VWA8: variants seen among roughly 807,000 people sequenced by gnomAD.
VWA8 encodes the protein von Willebrand factor A domain-containing protein 8.
A neutral mutation model predicts 241.5 loss-of-function variants in VWA8; 221 were observed. The ratio of observed to expected loss-of-function variants is 0.91; its 90% CI spans 0.82 to 1.02. VWA8 has a LOEUF of 1.02. Among genes scored for constraint, VWA8 ranks in the 50% least tolerant of loss-of-function variants. The pLI is 0.00. For synonymous variants in VWA8, 852 were observed against 827.1 expected (o/e 1.03, Z -0.52); for missense variants, 2,322 against 2,328.7 (o/e 1.00, Z 0.06).
At chr13:41,666,276 A>T (rs1162593927) in intron 37 of VWA8, among the ~76,000 whole-genome samples, 1 of 152,154 alleles carries the variant, frequency 6.6e-6, no homozygotes, top group Non-Finnish European at 1.5e-5. Flanking sequence ...GTTCAAGAAG[A>T]GTATGGCCAA....
chr13:41,849,881 T>G (rs1872456991), intron 12 of VWA8, among the ~76,000 whole-genome samples: 1 of 151,130 alleles, frequency 6.6e-6, no homozygotes, highest in South Asian at 2.1e-4. Flanking sequence ...AGTGAGACTC[T>G]GTCTCAAAAA....
chr13:41,917,085 T>C (rs1196559760), intron 2 of VWA8, among the ~76,000 whole-genome samples: 2 of 152,220 alleles, frequency 1.3e-5, no homozygotes, highest in Non-Finnish European at 2.9e-5. Flanking sequence ...TCAAAAAATA[T>C]GTACTATTTT....
At chr13:41,575,358 A>G (rs1485723545) in intron 43 of VWA8, among the ~76,000 whole-genome samples, 3 of 152,132 alleles carry the variant, frequency 2.0e-5, no homozygotes, top group African/African-American at 4.8e-5. Context: ...ATTCACCACT[A>G]AAGAACTCAT....
At chr13:41,784,484 G>A (rs1869044733) in intron 18 of VWA8, among the ~76,000 whole-genome samples, 2 of 151,698 alleles carry the variant, frequency 1.3e-5, no homozygotes, top group Non-Finnish European at 2.9e-5. Flanking sequence ...GTAACACAGA[G>A]AGACCCTGTC....
intron 2 of VWA8, among the ~76,000 whole-genome samples, chr13:41,919,710 C>A (rs1431073916): frequency 6.6e-6 from 1 of 152,104 alleles, no homozygotes; most frequent in African/African-American, 2.4e-5. Flanking sequence ...CCCACAGCAT[C>A]AAACTACCCC....
At chr13:41,667,225 T>C (rs1033537620) in intron 37 of VWA8, among the ~76,000 whole-genome samples, 5 of 152,204 alleles carry the variant, frequency 3.3e-5, no homozygotes, top group African/African-American at 1.2e-4. Flanking sequence ...GACTAGAGAT[T>C]ATAGAAAAGG....
intron 17 of VWA8, among the ~76,000 whole-genome samples, chr13:41,805,333 T>C (rs900483894): frequency 3.9e-5 from 6 of 152,180 alleles, no homozygotes; most frequent in African/African-American, 1.4e-4. Context: ...AAGACTGCTA[T>C]ACAATGATAA....
chr13:41,896,281 T>G (rs1251442279), intron 4 of VWA8, among the ~76,000 whole-genome samples: 1 of 152,068 alleles, frequency 6.6e-6, no homozygotes, highest in Non-Finnish European at 1.5e-5. Context: ...CATTTTAAAA[T>G]ATAAGAAAAG....
At chr13:41,869,631 CAAAAAAAAAAAAAAAAAA>C (rs532296102) in intron 9 of VWA8, among the ~76,000 whole-genome samples, 3 of 40,272 alleles carry the variant, frequency 7.4e-5, no homozygotes, top group African/African-American at 2.1e-4. Context: ...AACTTTGTCT[CAAAAAAAAAAAAAAAAAA>C]AAAAAAAAAA....
intron 37 of VWA8, among the ~76,000 whole-genome samples, chr13:41,630,846 T>C (rs911396616): frequency 6.6e-6 from 1 of 152,130 alleles, no homozygotes. Flanking sequence ...GCTAAATAAA[T>C]ATGTATTGAA....
At chr13:41,621,253 G>C (rs1373386193) in intron 37 of VWA8, among the ~76,000 whole-genome samples, 1 of 152,166 alleles carries the variant, frequency 6.6e-6, no homozygotes, top group East Asian at 1.9e-4. Context: ...TTGTTCAACT[G>C]TGGGCTAATG....
chr13:41,648,513 T>A (rs1196271791), intron 37 of VWA8, among the ~76,000 whole-genome samples: 1 of 152,220 alleles, frequency 6.6e-6, no homozygotes, highest in Non-Finnish European at 1.5e-5. Flanking sequence ...TTTCACAGTA[T>A]GTCAAAGACT....
intron 37 of VWA8, among the ~76,000 whole-genome samples, chr13:41,666,529 A>G (rs550385475): frequency 2.7e-4 from 41 of 152,322 alleles, no homozygotes; most frequent in Non-Finnish European, 5.3e-4. Flanking sequence ...CCTATGAGAG[A>G]TAACTGCTAA....
intron 4 of VWA8, among the ~76,000 whole-genome samples, chr13:41,894,186 T>C (rs996201873): frequency 6.6e-6 from 1 of 152,166 alleles, no homozygotes; most frequent in African/African-American, 2.4e-5. Context: ...AAAAGCAAAG[T>C]CTTGACAACA....
chr13:41,585,235 G>A (rs545692144), intron 42 of VWA8, among the ~76,000 whole-genome samples: 2 of 152,108 alleles, frequency 1.3e-5, no homozygotes, highest in African/African-American at 4.8e-5. Context: ...CTATACACTC[G>A]GCTGCGTGAG....
chr13:41,943,070 T>G (rs555886682), intron 2 of VWA8, among the ~76,000 whole-genome samples: 5 of 152,284 alleles, frequency 3.3e-5, no homozygotes, highest in African/African-American at 1.2e-4. Flanking sequence ...GTGAAGCTGG[T>G]GTTAGAAGAG....
intron 4 of VWA8, among the ~76,000 whole-genome samples, chr13:41,895,573 T>C (rs1875060357): frequency 6.6e-6 from 1 of 152,102 alleles, no homozygotes; most frequent in Non-Finnish European, 1.5e-5. Context: ...TACAATTACA[T>C]TTCCCCAAAT....
chr13:41,614,796 AGGC>A (rs2044610584), intron 38 of VWA8, among the ~76,000 whole-genome samples, 177 bp downstream of exon 38: 2 of 152,166 alleles, frequency 1.3e-5, no homozygotes, highest in African/African-American at 4.8e-5. Context: ...TCCAAATGCC[AGGC>A]TCTTCACATG....
rs775574241 is a variant in VWA8, at chr13:41,570,461, CACTT to C, written c.5609+3_5609+6del. On this transcript the variant is annotated splice_donor_5th_base_variant and intron_variant, in intron 44 of 44. Transcript: ENST00000379310. ...TGCCCTTTTCTGTATGCTCAGATGA[CACTT>C]ACCTGGTTGCTTGATCACCTAAAGA... The C allele has an allele frequency of 3.1e-6, 5 of 1,612,110 alleles. No individual in the cohort carries two copies. The highest frequency in any genetic ancestry group is 4.2e-6 in the Non-Finnish European group (5 of 1,178,352).
Sources: allele counts gnomAD v4.1 joint callset (sites outside exome capture counted in the v4.1 genomes callset), GRCh38; gene constraint gnomAD v4.1.1; transcripts MANE v1.5; gene names NCBI Gene and HGNC (gene_info 2026-07-23, HGNC 2026-07-21).